LRP11: variants seen among roughly 807,000 people sequenced by gnomAD.
LRP11 encodes the protein low-density lipoprotein receptor-related protein 11.
A neutral mutation model predicts 43.1 loss-of-function variants in LRP11; 25 were observed. That is an observed-to-expected ratio of 0.58 (90% CI 0.42 to 0.81). The LOEUF is 0.81. Among genes scored for constraint, LRP11 ranks in the 30% least tolerant of loss-of-function variants. The pLI is 0.00. For missense variants in LRP11, 623 were observed against 665.1 expected, an observed-to-expected ratio of 0.94 and a Z score of 0.70; for synonymous variants, 316 against 299.4, an observed-to-expected ratio of 1.06 and a Z score of -0.57.
At chr6:149,837,129 A>C (rs1187467427) in intron 4 of LRP11, among the ~76,000 whole-genome samples, 1 of 152,250 alleles carries the variant, frequency 6.6e-6, no homozygotes, top group Non-Finnish European at 1.5e-5. Flanking sequence ...GAAAAAAATT[A>C]AAAACATAAG....
intron 3 of LRP11, chr6:149,842,561 T>C: frequency 7.6e-7 from 1 of 1,312,122 alleles, no homozygotes; most frequent in Non-Finnish European, 1.1e-6. Context: ...TCCCAGTCCG[T>C]CCCCCGCACA....
At chr6:149,832,139 ACT>A (rs1776415692) in intron 5 of LRP11, among the ~76,000 whole-genome samples, 1 of 151,458 alleles carries the variant, frequency 6.6e-6, no homozygotes. Flanking sequence ...TGCATGCTAC[ACT>A]GTTAGTATTA....
At chr6:149,859,396 A>ATATATAT in intron 1 of LRP11, among the ~76,000 whole-genome samples, 3 of 71,512 alleles carry the variant, frequency 4.2e-5, no homozygotes, top group Non-Finnish European at 6.9e-5. Context: ...ATATATATAT[A>ATATATAT]TTTTTTTTTT....
In LRP11 at chr6:149,826,438, ATTTTT is replaced by A. The variant is rs1241222328; in HGVS notation, c.1253-84_1253-80del. The A allele has an allele frequency of 4.2e-6, 4 of 958,106 alleles. No individual in the cohort carries two copies. The African/African-American group carries it at 6.6e-5, about 16-fold the overall frequency. 59.4% of individuals were successfully genotyped at this position (958,106 alleles called of 1,614,324 possible). A position where few individuals can be genotyped will look rare whatever the true frequency, so the allele number is the denominator to read the frequency against. On this transcript the variant is annotated intron_variant, in intron 5 of 6. Coordinates refer to ENST00000239367, the MANE Select transcript of LRP11 (RefSeq NM_032832.6). Reference sequence around the variant, plus strand: ...GAAACAAATGTGAAAATACAGCCTTATTTTTTTTTAAGATGGACTTAGAGAAGAAC... The same window carrying A: ...GAAACAAATGTGAAAATACAGCCTTATTTTAAGATGGACTTAGAGAAGAAC...
At chr6:149,842,870 A>G in intron 3 of LRP11, 113 bp downstream of exon 3, 2 of 1,322,804 alleles carry the variant, frequency 1.5e-6, no homozygotes, top group East Asian at 4.7e-5. Context: ...TCATTCAGCA[A>G]TAACCAAAAA....
chr6:149,824,048 A>G (rs1376179191), intron 6 of LRP11, among the ~76,000 whole-genome samples: 1 of 152,186 alleles, frequency 6.6e-6, no homozygotes, highest in African/African-American at 2.4e-5. Context: ...TATAAGTTGC[A>G]TATGTTACAA....
At chr6:149,839,640 G>C (rs1776519427) in intron 3 of LRP11, among the ~76,000 whole-genome samples, 2 of 152,022 alleles carry the variant, frequency 1.3e-5, no homozygotes, top group Admixed American at 1.3e-4. Context: ...TGTTGAACAG[G>C]CATCTCCAGT....
At chr6:149,825,173 C>T (rs1033608102) in intron 6 of LRP11, among the ~76,000 whole-genome samples, 2 of 152,208 alleles carry the variant, frequency 1.3e-5, no homozygotes, top group Admixed American at 1.3e-4. Flanking sequence ...ATGTTTATAA[C>T]TTAAGCTTAT....
At chr6:149,848,753 G>A (rs576907369) in intron 2 of LRP11, among the ~76,000 whole-genome samples, 1 of 150,572 alleles carries the variant, frequency 6.6e-6, no homozygotes, top group Admixed American at 6.6e-5. Flanking sequence ...AGGAGGGAGA[G>A]GTTTAGAAAA....
At chr6:149,844,145 CG>C (rs1776593745) in intron 2 of LRP11, among the ~76,000 whole-genome samples, 1 of 151,040 alleles carries the variant, frequency 6.6e-6, no homozygotes, top group African/African-American at 2.4e-5. Context: ...CCCAGGTACT[CG>C]GGAGGCTGAG....
chr6:149,864,164 C>T lies in LRP11; in HGVS notation c.-144G>A, dbSNP rs375972737. The T allele has an allele frequency of 2.6e-6, 3 of 1,143,682 alleles. No homozygotes were observed. Among genetic ancestry groups the T allele is most frequent in the South Asian group, 4.4e-5 (1 of 22,736 alleles). The allele number at this position is 1,143,682 out of a possible 1,614,324, so 70.8% of individuals were successfully genotyped here. ...GGCCTCACAGCGCGGCGCCCCCGAA[C>T]CCGGCTGCTCCCCCGAGGTCGCGGG... On this transcript the variant is annotated 5_prime_UTR_variant, in exon 1 of 7. Coordinates refer to ENST00000239367, the MANE Select transcript of LRP11 (RefSeq NM_032832.6).
intron 2 of LRP11, among the ~76,000 whole-genome samples, chr6:149,846,517 T>C (rs1398206132): frequency 6.6e-6 from 1 of 151,990 alleles, no homozygotes; most frequent in African/African-American, 2.4e-5. Flanking sequence ...GGTATGTGAG[T>C]GGAGGCGTGG....
chr6:149,826,435 CT>C (rs1162811626), intron 5 of LRP11, 76 bp from the exon 6 acceptor site: 10 of 1,038,766 alleles, frequency 9.6e-6, no homozygotes, highest in African/African-American at 1.6e-5. Context: ...AAAATACAGC[CT>C]TATTTTTTTT....
chr6:149,859,396 A>ATATATATATATATATATAT, intron 1 of LRP11, among the ~76,000 whole-genome samples: 2 of 71,498 alleles, frequency 2.8e-5, no homozygotes, highest in Non-Finnish European at 4.6e-5. Flanking sequence ...ATATATATAT[A>ATATATATATATATATATAT]TTTTTTTTTT....
Position 149,859,396 on chromosome 6 carries a change from A to ATATATATTTT in LRP11, c.613+4011_613+4012insAAAATATATA. Among the ~76,000 whole-genome samples, 399 of 71,484 alleles carry ATATATATTTT rather than the reference A, an allele frequency of 5.6e-3. 11 individuals are homozygous for ATATATATTTT. The highest frequency in any genetic ancestry group is 7.9e-3 in the Middle Eastern group (1 of 126). 46.9% of individuals were successfully genotyped at this position (71,484 alleles called of 152,430 possible). A position where few individuals can be genotyped will look rare whatever the true frequency, so the allele number is the denominator to read the frequency against. On this transcript the variant is annotated intron_variant, in intron 1 of 6. Transcript: ENST00000239367. ...CTGACTCATATATATATATATATAT[A>ATATATATTTT]TTTTTTTTTTTTTTTTTTTGACCGA...
At chr6:149,843,342 T>G (rs1051231430) in intron 2 of LRP11, among the ~76,000 whole-genome samples, 4 of 152,132 alleles carry the variant, frequency 2.6e-5, no homozygotes, top group Non-Finnish European at 5.9e-5. Context: ...TGACTGACAA[T>G]CCCTTCACTT....
intron 2 of LRP11, among the ~76,000 whole-genome samples, chr6:149,843,572 C>T (rs147114710): frequency 5.6e-4 from 86 of 152,322 alleles, no homozygotes; most frequent in African/African-American, 2.0e-3. Context: ...GTGTTCCAGG[C>T]CAACCCCTCC....
At position 149,839,877 on chromosome 6, in the gene LRP11, T is replaced by C. The variant is rs138483222; in HGVS notation, c.914-2414A>G. On this transcript the variant is annotated intron_variant, in intron 3 of 6. Transcript: ENST00000239367. ...CTACTGTACTAACATGGGGTGTATC[T>C]TATAAAATATACTCAAATTTTAAGG... 7.5e-3 allele frequency among the ~76,000 whole-genome samples: 1,135 copies of C among 152,294 alleles called. 22 individuals are homozygous for C. Among genetic ancestry groups the C allele is most frequent in the African/African-American group, 0.026 (1,100 of 41,558 alleles).
intron 1 of LRP11, among the ~76,000 whole-genome samples, chr6:149,858,887 A>C (rs1776842665): frequency 6.6e-6 from 1 of 152,232 alleles, no homozygotes; most frequent in African/African-American, 2.4e-5. Flanking sequence ...TTCCTAAAAA[A>C]TATTCCAGAA....
Sources: allele counts gnomAD v4.1 joint callset (sites outside exome capture counted in the v4.1 genomes callset), GRCh38; gene constraint gnomAD v4.1.1; transcripts MANE v1.5; gene names NCBI Gene and HGNC (gene_info 2026-07-23, HGNC 2026-07-21).